Variants in CSMD1 observed in about 807,000 individuals in gnomAD.
The protein encoded by CSMD1 is CUB and Sushi multiple domains 1, also known as CUB and sushi domain-containing protein 1.
Under a neutral mutation model 417.5 loss-of-function variants are expected in CSMD1, and 213 were observed. The ratio of observed to expected loss-of-function variants is 0.51; its 90% confidence interval spans 0.46 to 0.57. The LOEUF (loss-of-function observed/expected upper bound fraction) is 0.57, where lower values mean the gene tolerates loss of function less well. Ranked by LOEUF, CSMD1 falls within the 20% of genes least tolerant of loss-of-function variation. The pLI, the probability that CSMD1 is intolerant of heterozygous loss-of-function variation, is 0.00. For missense variants in CSMD1, 6,923 were observed against 4,529.7 expected (o/e 1.53, Z -15.17); for synonymous variants, 2,862 against 1,736.8 (o/e 1.65, Z -16.11).
chr8:4,276,085 T>A (rs1469836305), intron 3 of CSMD1, among the ~76,000 whole-genome samples: 3 of 152,128 alleles, frequency 2.0e-5, no homozygotes, highest in Non-Finnish European at 4.4e-5. Flanking sequence ...GATCTAGAAC[T>A]TGAAATACCA....
At chr8:4,809,333 G>A (rs192041133) in intron 1 of CSMD1, among the ~76,000 whole-genome samples, 85 of 152,194 alleles carry the variant, frequency 5.6e-4, no homozygotes, top group Admixed American at 1.3e-3. Context: ...AAGAGTTTCC[G>A]GTGTATCACC....
intron 5 of CSMD1, among the ~76,000 whole-genome samples, chr8:3,915,166 G>T (rs150392895): frequency 6.6e-6 from 1 of 152,070 alleles, no homozygotes; most frequent in South Asian, 2.1e-4. Context: ...AGCCCTTTGG[G>T]AGGCTGAGGC....
At chr8:4,405,668 T>A (rs1446154424) in intron 3 of CSMD1, among the ~76,000 whole-genome samples, 1 of 152,212 alleles carries the variant, frequency 6.6e-6, no homozygotes, top group Non-Finnish European at 1.5e-5. Context: ...ATGAGACACA[T>A]CACTCATCGC....
chr8:4,491,076 A>G (rs998499156), intron 2 of CSMD1, among the ~76,000 whole-genome samples: 1 of 152,146 alleles, frequency 6.6e-6, no homozygotes, highest in African/African-American at 2.4e-5. Flanking sequence ...AGGACCTAAT[A>G]AGACATGAGC....
At chr8:4,423,464 A>G (rs553351435) in intron 2 of CSMD1, among the ~76,000 whole-genome samples, 2 of 152,080 alleles carry the variant, frequency 1.3e-5, no homozygotes, top group Admixed American at 1.3e-4. Context: ...ACAACAGCTC[A>G]AAGAAAAGCT....
chr8:3,545,905 T>G (rs2086583), intron 10 of CSMD1, among the ~76,000 whole-genome samples: 2 of 151,982 alleles, frequency 1.3e-5, no homozygotes, highest in African/African-American at 4.8e-5. Context: ...AAAATTATAG[T>G]GAATGCATAG....
At chr8:4,016,932 C>T (rs1343490573) in intron 4 of CSMD1, among the ~76,000 whole-genome samples, 4 of 152,176 alleles carry the variant, frequency 2.6e-5, no homozygotes, top group Admixed American at 2.6e-4. Flanking sequence ...TTGTTGAAAT[C>T]TCAAAAGATG....
At position 4,094,707 on chromosome 8, in the gene CSMD1, G is replaced by A. The variant is rs538374345; in HGVS notation, c.416-62608C>T. Among the ~76,000 whole-genome samples, 28 of 152,304 alleles carry A rather than the reference G, an allele frequency of 1.8e-4. No homozygotes were observed. In the East Asian group the frequency reaches 4.1e-3, roughly 22 times the overall value. On this transcript the variant is annotated intron_variant, in intron 3 of 69. Transcript: ENST00000635120. The stretch of plus-strand genomic sequence containing the variant: ...CGGAGAGGAAACGCCGGCTTCTAGA[G>A]AGACAGGGCAGTGGGGAGCCTCCTT...
At chr8:4,037,862 C>A (rs13269407) in intron 3 of CSMD1, among the ~76,000 whole-genome samples, 6 of 151,974 alleles carry the variant, frequency 3.9e-5, no homozygotes, top group African/African-American at 1.4e-4. Context: ...ATCATATATT[C>A]TCGTATACAT....
intron 36 of CSMD1, among the ~76,000 whole-genome samples, chr8:3,183,350 T>C (rs965756433): frequency 6.8e-6 from 1 of 147,984 alleles, no homozygotes; most frequent in African/African-American, 2.5e-5. Context: ...AGTAGGTCTC[T>C]AATGTTTCTT....
intron 6 of CSMD1, among the ~76,000 whole-genome samples, chr8:3,734,331 A>G (rs1193241371): frequency 6.6e-6 from 1 of 152,196 alleles, no homozygotes; most frequent in African/African-American, 2.4e-5. Context: ...CTGATAGCCA[A>G]GAGACTGATG....
chr8:3,938,516 G>A (rs931685939), intron 5 of CSMD1, among the ~76,000 whole-genome samples: 1 of 152,120 alleles, frequency 6.6e-6, no homozygotes, highest in Non-Finnish European at 1.5e-5. Context: ...CGGCAACAAT[G>A]GACAGACTCT....
intron 5 of CSMD1, among the ~76,000 whole-genome samples, chr8:3,871,931 T>G (rs932717094): frequency 6.6e-6 from 1 of 152,216 alleles, no homozygotes; most frequent in Admixed American, 6.5e-5. Context: ...CCTAATCTTC[T>G]GAAAAACACA....
chr8:3,422,438 G>C (rs1370396368), intron 12 of CSMD1, among the ~76,000 whole-genome samples: 1 of 152,096 alleles, frequency 6.6e-6, no homozygotes, highest in Non-Finnish European at 1.5e-5. Flanking sequence ...CCTATTGAAA[G>C]AATCTTTCAA....
chr8:4,666,824 G>C (rs1045051840), intron 1 of CSMD1, among the ~76,000 whole-genome samples: 36 of 152,116 alleles, frequency 2.4e-4, no homozygotes, highest in African/African-American at 7.9e-4. Flanking sequence ...TTAACGGTGT[G>C]TTTTGAAGAG....
chr8:4,881,217 T>C (rs2116956022), intron 1 of CSMD1, among the ~76,000 whole-genome samples: 1 of 152,258 alleles, frequency 6.6e-6, no homozygotes, highest in East Asian at 1.9e-4. Flanking sequence ...TATACATAGG[T>C]CCATTCTAGT....
chr8:3,890,647 C>G (rs1806906795), intron 5 of CSMD1, among the ~76,000 whole-genome samples: 1 of 152,116 alleles, frequency 6.6e-6, no homozygotes, highest in African/African-American at 2.4e-5. Flanking sequence ...GAGCATATTT[C>G]TAGTCCCCAA....
intron 1 of CSMD1, among the ~76,000 whole-genome samples, chr8:4,986,336 A>C (rs1479104770): frequency 6.6e-6 from 1 of 152,224 alleles, no homozygotes; most frequent in South Asian, 2.1e-4. Context: ...AGGAATATCA[A>C]CTTCAGGTAG....
At chr8:4,682,076 T>G (rs1485855242) in intron 1 of CSMD1, among the ~76,000 whole-genome samples, 2 of 152,180 alleles carry the variant, frequency 1.3e-5, no homozygotes, top group East Asian at 3.9e-4. Context: ...TGAAGTGCTG[T>G]GGGGTGATCT....
Sources: allele counts gnomAD v4.1 joint callset (sites outside exome capture counted in the v4.1 genomes callset), GRCh38; gene constraint gnomAD v4.1.1; transcripts MANE v1.5; gene names NCBI Gene and HGNC (gene_info 2026-07-23, HGNC 2026-07-21).